ATP8A2: variants seen among roughly 807,000 people sequenced by gnomAD.
ATP8A2 encodes phospholipid-transporting ATPase IB.
ATP8A2 carries 100 observed loss-of-function variants against 165.6 expected under a neutral mutation model. That is an observed-to-expected ratio of 0.60 (90% CI 0.51 to 0.71). The LOEUF (loss-of-function observed/expected upper bound fraction) is 0.71. ATP8A2 is among the 30% of genes least tolerant of loss of function. The pLI is 0.00. For missense variants in ATP8A2, 1,227 were observed against 1,479.5 expected, an observed-to-expected ratio of 0.83 and a Z score of 2.80; for synonymous variants, 543 against 548.8, an observed-to-expected ratio of 0.99 and a Z score of 0.15.
At chr13:25,451,899 G>T (rs1054420503) in intron 1 of ATP8A2, among the ~76,000 whole-genome samples, 9 of 149,512 alleles carry the variant, frequency 6.0e-5, no homozygotes, top group African/African-American at 1.5e-4. Context: ...CTTTTGCCCA[G>T]GCTGGAGTGC....
At chr13:25,459,238 C>T (rs948788204) in intron 1 of ATP8A2, among the ~76,000 whole-genome samples, 1 of 152,226 alleles carries the variant, frequency 6.6e-6, no homozygotes, top group Non-Finnish European at 1.5e-5. Context: ...AAACTTTTCA[C>T]ATTGGACTGA....
intron 28 of ATP8A2, among the ~76,000 whole-genome samples, chr13:25,829,731 A>G (rs1951417414): frequency 2.7e-5 from 3 of 110,828 alleles, no homozygotes; most frequent in Non-Finnish European, 3.6e-5. Flanking sequence ...TCACCTGCTT[A>G]TAGTATGAGT....
chr13:25,726,992 T>C (rs375722395), intron 25 of ATP8A2, among the ~76,000 whole-genome samples: 4 of 152,152 alleles, frequency 2.6e-5, no homozygotes, highest in Non-Finnish European at 5.9e-5. Flanking sequence ...AGCCTCATTT[T>C]TCGTTGTCTT....
intron 2 of ATP8A2, among the ~76,000 whole-genome samples, chr13:25,509,090 T>C (rs2037139292): frequency 1.3e-5 from 2 of 152,228 alleles, no homozygotes; most frequent in African/African-American, 4.8e-5. Context: ...ATATTCTTCC[T>C]GGCCACCTCT....
intron 1 of ATP8A2, among the ~76,000 whole-genome samples, chr13:25,422,986 A>T (rs1291329283): frequency 6.6e-6 from 1 of 152,184 alleles, no homozygotes. Flanking sequence ...CCCTCTCTTC[A>T]TGGCCTTCCT....
intron 6 of ATP8A2, among the ~76,000 whole-genome samples, chr13:25,535,643 A>G (rs959260066): frequency 1.9e-4 from 29 of 152,010 alleles, no homozygotes; most frequent in African/African-American, 7.0e-4. Context: ...GTCAAACCCC[A>G]TCTCTACAAA....
intron 27 of ATP8A2, among the ~76,000 whole-genome samples, chr13:25,783,700 G>C (rs2044945732): frequency 6.6e-6 from 1 of 152,184 alleles, no homozygotes; most frequent in Non-Finnish European, 1.5e-5. Context: ...GAGAGGGTCA[G>C]GGAATGTGCC....
chr13:25,419,534 CT>C (rs2034236814), intron 1 of ATP8A2, among the ~76,000 whole-genome samples: 1 of 152,148 alleles, frequency 6.6e-6, no homozygotes, highest in Non-Finnish European at 1.5e-5. Flanking sequence ...GCCATTTTGA[CT>C]AATGCCCAAC....
chr13:25,532,157 A>G (rs2038134691), intron 4 of ATP8A2, 115 bp from the exon 5 acceptor site: 1 of 790,318 alleles, frequency 1.3e-6, no homozygotes, highest in Non-Finnish European at 2.1e-6. Context: ...CAGCATGAGC[A>G]TTATTGGCAT....
chr13:25,868,075 G>A (rs760305295), intron 33 of ATP8A2: 5 of 455,398 alleles, frequency 1.1e-5, no homozygotes, highest in East Asian at 7.0e-5. Context: ...GGGTAGCCCC[G>A]GCCAAGGAAT....
chr13:25,509,983 C>G (rs1348623606), intron 2 of ATP8A2, among the ~76,000 whole-genome samples: 1 of 152,188 alleles, frequency 6.6e-6, no homozygotes, highest in Admixed American at 6.5e-5. Flanking sequence ...GAAAACACTG[C>G]TATGCTGGCT....
chr13:25,997,532 C>G (rs373778077), intron 35 of ATP8A2, among the ~76,000 whole-genome samples: 15 of 152,148 alleles, frequency 9.9e-5, no homozygotes, highest in African/African-American at 3.6e-4. Context: ...TGCCGTATTT[C>G]TCCTCTTTTT....
chr13:25,757,448 A>AAGTTGTC, intron 25 of ATP8A2, among the ~76,000 whole-genome samples: 1 of 151,934 alleles, frequency 6.6e-6, no homozygotes, highest in East Asian at 1.9e-4. Context: ...TACAACACCA[A>AAGTTGTC]AGTTGTCACT....
chr13:25,899,748 C>T (rs571256435), intron 33 of ATP8A2, among the ~76,000 whole-genome samples: 201 of 152,196 alleles, frequency 1.3e-3, no homozygotes, highest in Middle Eastern at 6.8e-3. Flanking sequence ...AGCCAGACCA[C>T]GGAGGTCTTT....
chr13:26,015,405 G>A (rs1956947883), intron 36 of ATP8A2, among the ~76,000 whole-genome samples: 1 of 152,096 alleles, frequency 6.6e-6, no homozygotes, highest in African/African-American at 2.4e-5. Flanking sequence ...GTTCCTGTGA[G>A]CCACCAACAT....
At chr13:25,621,238 T>A (rs1163828595) in intron 24 of ATP8A2, among the ~76,000 whole-genome samples, 1 of 152,216 alleles carries the variant, frequency 6.6e-6, no homozygotes, top group East Asian at 1.9e-4. Context: ...GCTCCTAATG[T>A]AACTTGCTTT....
In ATP8A2 at chr13:25,585,091, T is replaced by A. The variant is rs568218638; in HGVS notation, c.2146+3134T>A. Among the ~76,000 whole-genome samples, 344 of 152,382 alleles carry A rather than the reference T, an allele frequency of 2.3e-3. 1 individual carries two copies. The highest frequency in any genetic ancestry group is 7.8e-3 in the African/African-American group (325 of 41,590). On this transcript the variant is annotated intron_variant, in intron 23 of 36. Transcript: ENST00000381655. ...GTCAAATCAAGTTCCAAGACATGTG[T>A]GTCTCCTGTGAGCCAGTGAATTGTA...
chr13:25,661,942 A>G (rs1371455176), intron 24 of ATP8A2, among the ~76,000 whole-genome samples: 1 of 152,210 alleles, frequency 6.6e-6, no homozygotes, highest in Non-Finnish European at 1.5e-5. Flanking sequence ...TGAGGATCTT[A>G]GGGACTGAGT....
At chr13:25,423,060 G>A (rs932476307) in intron 1 of ATP8A2, among the ~76,000 whole-genome samples, 4 of 152,028 alleles carry the variant, frequency 2.6e-5, no homozygotes, top group East Asian at 3.9e-4. Flanking sequence ...CAACTTTCAC[G>A]TGTCTTCTTT....
Sources: allele counts gnomAD v4.1 joint callset (sites outside exome capture counted in the v4.1 genomes callset), GRCh38; gene constraint gnomAD v4.1.1; transcripts MANE v1.5; gene names NCBI Gene and HGNC (gene_info 2026-07-23, HGNC 2026-07-21).